Variants in CBR4 observed in about 807,000 individuals in gnomAD.
The protein encoded by CBR4 is 3-oxoacyl-[acyl-carrier-protein] reductase.
CBR4 carries 22 observed loss-of-function variants against 21.0 expected under a neutral mutation model. The observed-to-expected ratio is 1.05, with a 90% confidence interval of 0.75 to 1.50. The LOEUF is 1.50. CBR4 is among the 40% of genes most tolerant of loss of function. The pLI is 0.00. For missense variants in CBR4, 302 were observed against 286.3 expected (o/e 1.05, Z -0.40); for synonymous variants, 100 against 104.4 (o/e 0.96, Z 0.26).
rs566398128 is a variant in CBR4, at chr4:168,899,654, C to T, written n.170-4889G>A. ...TTTATTGGCCAAGCATGGTGGCTCA[C>T]GCCTGTAATCCCAGCATTTTGCGAG... On this transcript the variant is annotated intron_variant and non_coding_transcript_variant, in intron 2 of 3. Coordinates refer to the CBR4 transcript ENST00000509108. 2.8e-4 allele frequency among the ~76,000 whole-genome samples: 43 copies of T among 152,234 alleles called. No individual in the cohort carries two copies. The South Asian group carries it at 7.1e-3, about 25-fold the overall frequency.
rs926527660 is a variant in CBR4 at position 168,989,692 on chromosome 4, T to G, written c.*458A>C. 3 of 982,766 alleles carry G rather than the reference T, an allele frequency of 3.1e-6. No homozygotes were observed. In the African/African-American group the frequency reaches 5.2e-5, roughly 17 times the overall value. 60.9% of individuals were successfully genotyped at this position (982,766 alleles called of 1,614,324 possible). A position where few individuals can be genotyped will look rare whatever the true frequency, so the allele number is the denominator to read the frequency against. On this transcript the variant is annotated 3_prime_UTR_variant, in exon 5 of 5. Coordinates refer to ENST00000306193, the MANE Select transcript of CBR4 (RefSeq NM_032783.5). ...TCATCATAATTAGACAATATAATTT[T>G]TCCACTTTTGAGACAAAATATATAA...
chr4:168,969,398 G>A (rs1023891901), intron 2 of CBR4, among the ~76,000 whole-genome samples: 3 of 152,118 alleles, frequency 2.0e-5, no homozygotes, highest in South Asian at 2.1e-4. Context: ...TGAATTTTAC[G>A]TGACATGGCT....
chr4:168,925,972 AAAAAG>A (rs1360483889), intron 2 of CBR4, among the ~76,000 whole-genome samples: 2 of 152,194 alleles, frequency 1.3e-5, no homozygotes, highest in African/African-American at 2.4e-5. Context: ...CTTAAAAAAA[AAAAAG>A]ATAAACTACA....
At chr4:168,924,826 A>C in intron 2 of CBR4, 1 of 958,330 alleles carries the variant, frequency 1.0e-6, no homozygotes, top group Admixed American at 1.9e-5. Flanking sequence ...AATAAGTATG[A>C]CCCTATTATC....
chr4:168,969,324 T>G (rs1056591080), intron 2 of CBR4, among the ~76,000 whole-genome samples: 6 of 152,218 alleles, frequency 3.9e-5, no homozygotes, highest in Middle Eastern at 3.2e-3. Flanking sequence ...AAGATCATAA[T>G]TTTTCATTAC....
At chr4:168,982,849 C>T (rs1764582100), downstream of CBR4, among the ~76,000 whole-genome samples, 1 of 152,090 alleles carries the variant, frequency 6.6e-6, no homozygotes, top group Non-Finnish European at 1.5e-5. Flanking sequence ...AGGCAGAAAT[C>T]AAGAAATTAT....
At chr4:169,002,354 A>G in intron 3 of CBR4, 149 bp from the exon 4 acceptor site, 1 of 857,610 alleles carries the variant, frequency 1.2e-6, no homozygotes, top group South Asian at 3.8e-5. Context: ...AACCATTGTC[A>G]TCAGTCATTT....
At position 169,006,831 on chromosome 4, in the gene CBR4, G is replaced by A. The variant is rs1560994615; in HGVS notation, c.324C>T (p.Leu108=). The A allele has an allele frequency of 6.2e-7, 1 of 1,613,276 alleles. No individual in the cohort carries two copies. Among genetic ancestry groups the A allele is most frequent in the South Asian group, 1.1e-5 (1 of 91,070 alleles). ...CTTTACAGGTCAGCATGGAACCCAAGAGGTTAGTATGAAGCTGAGATACCA... is the reference window on the plus strand; with the variant it reads ...CTTTACAGGTCAGCATGGAACCCAAAAGGTTAGTATGAAGCTGAGATACCA... ...EDMVSQLHTN[L]LGSMLTCKAA... The change falls in exon 3 of 5, where the codon CTC becomes CTT. Residue 108 remains leucine, a synonymous_variant. Coordinates refer to ENST00000306193, the MANE Select transcript of CBR4 (RefSeq NM_032783.5).
chr4:168,959,564 T>TCTTTC (rs55703919), intron 2 of CBR4, among the ~76,000 whole-genome samples: 2 of 128,540 alleles, frequency 1.6e-5, no homozygotes, highest in African/African-American at 3.0e-5. Context: ...TCAATTTCTT[T>TCTTTC]TTTTTTTTTT....
chr4:168,898,833 T>C (rs554916596), intron 2 of CBR4: 3 of 750,990 alleles, frequency 4.0e-6, no homozygotes, highest in African/African-American at 3.5e-5. Context: ...ACCCACGATA[T>C]AAAGGGTTTT....
At chr4:168,899,691 T>C (rs1756034994) in intron 2 of CBR4, among the ~76,000 whole-genome samples, 1 of 151,918 alleles carries the variant, frequency 6.6e-6, no homozygotes, top group South Asian at 2.1e-4. Flanking sequence ...CCGAGATGGG[T>C]GGATCACCTG....
rs1254785307 is a variant in CBR4, at chr4:169,010,016, T to C, written c.74A>G (p.Lys25Arg). The change falls in exon 1 of 5, where the codon AAA becomes AGA. Residue 25 changes from lysine (K) to arginine (R), a missense_variant. Transcript: ENST00000306193. Reference sequence around the variant, plus strand: ...GGCAATGACCGCCAGTCGGTAGCCTTTCCGGGCCATTAACTGGGCCACAGC... The same window carrying C: ...GGCAATGACCGCCAGTCGGTAGCCTCTCCGGGCCATTAACTGGGCCACAGC... ...GRAVAQLMAR[K>R]GYRLAVIARN... The C allele has an allele frequency of 6.8e-6, 11 of 1,613,624 alleles. No individual in the cohort carries two copies. Among genetic ancestry groups the C allele is most frequent in the Non-Finnish European group, 9.3e-6 (11 of 1,179,938 alleles).
At chr4:168,909,170 C>G (rs571021990) in intron 2 of CBR4, among the ~76,000 whole-genome samples, 1 of 152,272 alleles carries the variant, frequency 6.6e-6, no homozygotes, top group South Asian at 2.1e-4. Context: ...TTAAGAACAA[C>G]GACATCTAAA....
At chr4:168,909,692 T>TC (rs1230367680) in intron 2 of CBR4, among the ~76,000 whole-genome samples, 1 of 152,198 alleles carries the variant, frequency 6.6e-6, no homozygotes, top group African/African-American at 2.4e-5. Context: ...TTAATGTGCA[T>TC]CAGAGCCTAC....
At chr4:168,975,365 T>G (rs2126767934) in intron 2 of CBR4, among the ~76,000 whole-genome samples, 1 of 152,312 alleles carries the variant, frequency 6.6e-6, no homozygotes, top group South Asian at 2.1e-4. Flanking sequence ...TGCACTGGTT[T>G]TCTTGAATGC....
At position 168,989,596 on chromosome 4, in the gene CBR4, A is replaced by T; in HGVS notation, c.*554T>A. On this transcript the variant is annotated 3_prime_UTR_variant, in exon 5 of 5. Coordinates refer to ENST00000306193, the MANE Select transcript of CBR4 (RefSeq NM_032783.5). ...TATTGACAACTAATCAGTGTCCTCTAAATACTCTTATTTTGGCAACAGCCC... is the reference window on the plus strand; with the variant it reads ...TATTGACAACTAATCAGTGTCCTCTTAATACTCTTATTTTGGCAACAGCCC... The T allele has an allele frequency of 1.0e-6, 1 of 985,332 alleles. No individual in the cohort carries two copies. The allele number at this position is 985,332 out of a possible 1,614,324, so 61.0% of individuals were successfully genotyped here.
At chr4:168,938,838 C>T (rs1214678201) in intron 2 of CBR4, among the ~76,000 whole-genome samples, 4 of 152,086 alleles carry the variant, frequency 2.6e-5, no homozygotes, top group Non-Finnish European at 5.9e-5. Flanking sequence ...CAGGACTAGA[C>T]GGATTCACAG....
At chr4:168,925,898 AG>A (rs1388233956) in intron 2 of CBR4, among the ~76,000 whole-genome samples, 1 of 151,862 alleles carries the variant, frequency 6.6e-6, no homozygotes, top group Non-Finnish European at 1.5e-5. Flanking sequence ...TTAAAAGGAG[AG>A]GGGGGATGAG....
At chr4:168,972,600 G>A (rs758623036) in intron 2 of CBR4, among the ~76,000 whole-genome samples, 24 of 152,196 alleles carry the variant, frequency 1.6e-4, no homozygotes, top group Non-Finnish European at 3.4e-4. Context: ...TTGGTGTATA[G>A]CAGTGATATT....
Sources: gnomAD v4.1 joint callset for allele counts (sites outside exome capture counted in the v4.1 genomes callset) on GRCh38, gnomAD v4.1.1 for gene constraint, MANE v1.5 for transcripts, NCBI Gene and HGNC (gene_info 2026-07-23, HGNC 2026-07-21) for gene names.